NPC1: variants seen among roughly 807,000 people sequenced by gnomAD.
NPC1 encodes NPC intracellular cholesterol transporter 1, also known as Niemann-Pick C1 protein.
Under a neutral mutation model 140.4 loss-of-function variants are expected in NPC1, and 85 were observed. That is an observed-to-expected ratio of 0.61 (90% confidence interval 0.51 to 0.72). The LOEUF is 0.72. Among genes scored for constraint, NPC1 ranks in the 30% least tolerant of loss-of-function variants. NPC1 has a pLI of 0.00. For missense variants in NPC1, 1,504 were observed against 1,623.8 expected, an observed-to-expected ratio of 0.93 and a Z score of 1.27; for synonymous variants, 656 against 624.8, an observed-to-expected ratio of 1.05 and a Z score of -0.74.
At chr18:23,560,546 TAAACTC>T (rs775249068) in intron 5 of NPC1, 66 bp from the exon 6 acceptor site, 191 of 1,544,016 alleles carry the variant, frequency 1.2e-4, no homozygotes, top group Non-Finnish European at 1.6e-4. Flanking sequence ...GTATTATACT[TAAACTC>T]AAAGAAAAGC....
chr18:23,538,510 G>C, intron 20 of NPC1, 32 bp downstream of exon 20: 1 of 1,613,566 alleles, frequency 6.2e-7, no homozygotes, highest in Middle Eastern at 1.7e-4. Context: ...AAGTTGCAGT[G>C]GATGCTTATC....
At chr18:23,511,120 T>C (rs1283122958) in intron 3 of NPC1, among the ~76,000 whole-genome samples, 2 of 152,244 alleles carry the variant, frequency 1.3e-5, no homozygotes, top group Non-Finnish European at 2.9e-5. Context: ...ATGTGGTACA[T>C]ATATACCATG....
chr18:23,567,718 G>A (rs997773571), intron 4 of NPC1, among the ~76,000 whole-genome samples: 2 of 152,158 alleles, frequency 1.3e-5, no homozygotes, highest in South Asian at 2.1e-4. Context: ...TTTCTGGGAG[G>A]AGGGTTAGCT....
intron 10 of NPC1, among the ~76,000 whole-genome samples, 164 bp from the exon 11 acceptor site, chr18:23,548,272 T>C (rs1360180952): frequency 1.3e-5 from 2 of 152,172 alleles, no homozygotes; most frequent in Non-Finnish European, 2.9e-5. Flanking sequence ...CTTTATGTAC[T>C]TCAGTTAATG....
chr18:23,547,530 TAGTAGG>T (rs1380052363), intron 11 of NPC1, among the ~76,000 whole-genome samples: 1 of 152,100 alleles, frequency 6.6e-6, no homozygotes, highest in African/African-American at 2.4e-5. Context: ...CACCTGAGGT[TAGTAGG>T]TCAAGACCAG....
intron 10 of NPC1, among the ~76,000 whole-genome samples, chr18:23,550,984 G>A (rs926805619): frequency 6.6e-6 from 1 of 152,196 alleles, no homozygotes; most frequent in African/African-American, 2.4e-5. Flanking sequence ...CTGCCACCAA[G>A]TGAGGAGAAG....
chr18:23,519,006 T>C (rs1402620010), downstream of NPC1: 1 of 1,613,404 alleles, frequency 6.2e-7, no homozygotes, highest in South Asian at 1.1e-5. Flanking sequence ...GTTTTCCCTC[T>C]CTCTCTGATT....
chr18:23,550,705 C>T (rs1388277936), intron 10 of NPC1, among the ~76,000 whole-genome samples: 1 of 151,884 alleles, frequency 6.6e-6, no homozygotes. Context: ...CCAGGATGGT[C>T]TCGATCTCCT....
chr18:23,519,265 C>A, downstream of NPC1: 1 of 1,178,162 alleles, frequency 8.5e-7, no homozygotes, highest in Non-Finnish European at 1.2e-6. Flanking sequence ...CGCCTGTAAT[C>A]CCAGCACTTT....
chr18:23,547,875 A>G, intron 11 of NPC1, 131 bp downstream of exon 11: 2 of 772,418 alleles, frequency 2.6e-6, no homozygotes, highest in Non-Finnish European at 4.8e-6. Flanking sequence ...CATCATTAGT[A>G]CCAAGTGAAC....
chr18:23,550,479 CTTTTTTT>C (rs68163205), intron 10 of NPC1, among the ~76,000 whole-genome samples: 4 of 74,946 alleles, frequency 5.3e-5, no homozygotes, highest in Non-Finnish European at 8.9e-5. Flanking sequence ...TCTTACATTT[CTTTTTTT>C]TTTTTTTTTT....
intron 11 of NPC1, among the ~76,000 whole-genome samples, chr18:23,546,740 AC>A (rs907759974): frequency 1.3e-5 from 2 of 152,268 alleles, no homozygotes; most frequent in African/African-American, 4.8e-5. Context: ...TGATAGCCAG[AC>A]AAAAAAGTCC....
chr18:23,538,716 A>C, intron 19 of NPC1, 45 bp from the exon 20 acceptor site: 1 of 1,607,266 alleles, frequency 6.2e-7, no homozygotes, highest in Non-Finnish European at 8.5e-7. Context: ...ATAGGTCTCC[A>C]GATTTTTTGT....
Position 23,539,349 on chromosome 18 carries a change from A to AG in NPC1, c.2911+5dup. On this transcript the variant is annotated splice_donor_region_variant and intron_variant, in intron 19 of 24. Coordinates refer to ENST00000269228, the MANE Select transcript of NPC1 (RefSeq NM_000271.5). ...AACAGGAAAGATTTGGTAAAGGAGA[A>AG]GGTACCTGAAGCATTGCAGAACTGG... 6.3e-7 allele frequency: 1 copy of AG among 1,581,940 alleles called. No individual in the cohort carries two copies. The highest frequency in any genetic ancestry group is 1.3e-5 in the African/African-American group (1 of 74,444).
At chr18:23,516,235 T>G (rs2058001861) in intron 3 of NPC1, 20 of 1,481,412 alleles carry the variant, frequency 1.4e-5, no homozygotes. Context: ...AAGTCTGTGT[T>G]TATCCTTGTT....
chr18:23,523,655 C>T (rs1304175062), intron 1 of NPC1, among the ~76,000 whole-genome samples: 1 of 150,606 alleles, frequency 6.6e-6, no homozygotes, highest in Non-Finnish European at 1.5e-5. Flanking sequence ...CCAAGGAGTT[C>T]GTGGTTATAG....
intron 1 of NPC1, among the ~76,000 whole-genome samples, chr18:23,577,872 G>T (rs908876097): frequency 6.6e-6 from 1 of 152,242 alleles, no homozygotes. Flanking sequence ...CCACTGGCCC[G>T]GGTGCTAAGT....
At chr18:23,536,407 C>G (rs1168550476) in intron 21 of NPC1, among the ~76,000 whole-genome samples, 1 of 152,210 alleles carries the variant, frequency 6.6e-6, no homozygotes, top group Non-Finnish European at 1.5e-5. Context: ...TGCCTTAAGC[C>G]ATTTTCCAGT....
At position 23,572,171 on chromosome 18, in the gene NPC1, G is replaced by C; in HGVS notation, c.190C>G (p.Pro64Ala). 1 of 1,612,544 alleles carries C rather than the reference G, an allele frequency of 6.2e-7. No individual in the cohort carries two copies. Among genetic ancestry groups the C allele is most frequent in the South Asian group, 1.1e-5 (1 of 91,062 alleles). Residue 64 changes from proline to alanine, a missense_variant, in exon 3 of 25, where the codon CCA becomes GCA. Physicochemically the swap from Pro to Ala is conservative, Grantham distance 27. Transcript: ENST00000269228. Reference sequence around the variant, plus strand: ...CTGACATTGCCAAAGAAGAATCCTGGACAGAGTTCCTTTCAGGTGAAAGAG... The same window carrying C: ...CTGACATTGCCAAAGAAGAATCCTGCACAGAGTTCCTTTCAGGTGAAAGAG... Reference protein sequence around the residue: ...DGYDLVQELCPGFFFGNVSLC... With the variant: ...DGYDLVQELCAGFFFGNVSLC...
Sources: allele counts gnomAD v4.1 joint callset (sites outside exome capture counted in the v4.1 genomes callset), GRCh38; gene constraint gnomAD v4.1.1; transcripts MANE v1.5; gene names NCBI Gene and HGNC (gene_info 2026-07-23, HGNC 2026-07-21).